NUP160: variants seen among roughly 807,000 people sequenced by gnomAD.
NUP160 encodes the protein nuclear pore complex protein Nup160.
Under a neutral mutation model 196.9 loss-of-function variants are expected in NUP160, and 94 were observed. The ratio of observed to expected loss-of-function variants is 0.48; its 90% CI spans 0.40 to 0.57. The LOEUF (loss-of-function observed/expected upper bound fraction) is 0.57, where lower values mean the gene tolerates loss of function less well. Among genes scored for constraint, NUP160 ranks in the 20% least tolerant of loss-of-function variants. NUP160 has a pLI of 0.00. For missense variants in NUP160, 1,638 were observed against 1,748.3 expected, an observed-to-expected ratio of 0.94 and a Z score of 1.13; for synonymous variants, 605 against 619.7, an observed-to-expected ratio of 0.98 and a Z score of 0.35.
intron 10 of NUP160, among the ~76,000 whole-genome samples, chr11:47,818,598 A>C (rs1851788956): frequency 6.6e-6 from 1 of 152,174 alleles, no homozygotes; most frequent in South Asian, 2.1e-4. Flanking sequence ...TAGGGAAATG[A>C]AGTAGAGAGA....
At chr11:47,836,267 G>A (rs1188829729) in intron 6 of NUP160, among the ~76,000 whole-genome samples, 1 of 152,040 alleles carries the variant, frequency 6.6e-6, no homozygotes, top group East Asian at 1.9e-4. Flanking sequence ...TAAAAAGAGG[G>A]AGGGAGGGGC....
chr11:47,779,910 T>C (rs2097659671), intron 35 of NUP160, among the ~76,000 whole-genome samples: 1 of 152,070 alleles, frequency 6.6e-6, no homozygotes, highest in East Asian at 1.9e-4. Context: ...GTATATTTAG[T>C]AGAGATGGAA....
chr11:47,813,490 T>C, intron 13 of NUP160, 75 bp from the exon 14 acceptor site: 1 of 946,810 alleles, frequency 1.1e-6, no homozygotes, highest in Non-Finnish European at 1.7e-6. Context: ...GATGTGCATC[T>C]TATCATGAGG....
In NUP160 at chr11:47,806,194, A is replaced by T. The variant is rs965602246; in HGVS notation, c.2565T>A (p.Pro855=). Reference sequence around the variant, plus strand: ...AACTGGTAATTGCAGTAATCATTTCAGGCCAATTCAATCCAGTTTGGCTCA... The same window carrying T: ...AACTGGTAATTGCAGTAATCATTTCTGGCCAATTCAATCCAGTTTGGCTCA... The change falls in exon 20 of 36, where the codon CCT becomes CCA. Residue 855 remains proline, a synonymous_variant. Coordinates refer to ENST00000378460, the Ensembl canonical transcript of NUP160. 8.1e-6 allele frequency: 13 copies of T among 1,614,056 alleles called. No individual in the cohort carries two copies. The African/African-American group carries it at 1.5e-4, about 18-fold the overall frequency.
chr11:47,798,170 G>T, exon 25 of NUP160: 1 of 1,607,670 alleles, frequency 6.2e-7, no homozygotes, highest in Non-Finnish European at 8.5e-7. Flanking sequence ...GAAATTACCT[G>T]CTGGAATCAG....
At chr11:47,805,827 G>A (rs918975603) in intron 20 of NUP160, among the ~76,000 whole-genome samples, 1 of 151,528 alleles carries the variant, frequency 6.6e-6, no homozygotes, top group African/African-American at 2.4e-5. Flanking sequence ...GAAGAGAGCT[G>A]CTTTTTTTTT....
chr11:47,831,073 G>C, intron 7 of NUP160, among the ~76,000 whole-genome samples: 1 of 152,118 alleles, frequency 6.6e-6, no homozygotes, highest in East Asian at 1.9e-4. Flanking sequence ...TGAGGCGGGA[G>C]AATCGCTTGA....
At position 47,810,119 on chromosome 11, in the gene NUP160, A is replaced by G. The variant is rs555341707; in HGVS notation, c.2242-1590T>C. On this transcript the variant is annotated intron_variant, in intron 17 of 35. Coordinates refer to ENST00000378460, the Ensembl canonical transcript of NUP160. ...CTACATAGATCAAAAAGAACTTAGTAAAGGCTAACCAACCTAACAGACTTT... is the reference window on the plus strand; with the variant it reads ...CTACATAGATCAAAAAGAACTTAGTGAAGGCTAACCAACCTAACAGACTTT... Among the ~76,000 whole-genome samples, 3 of 152,334 alleles carry G rather than the reference A, an allele frequency of 2.0e-5. No homozygotes were observed. The East Asian group carries it at 5.8e-4, about 29-fold the overall frequency.
intron 27 of NUP160, among the ~76,000 whole-genome samples, chr11:47,794,068 G>A (rs2097669476): frequency 6.6e-6 from 1 of 152,146 alleles, no homozygotes; most frequent in Non-Finnish European, 1.5e-5. Context: ...TGGTTGCCAG[G>A]GAATCGGGGT....
chr11:47,784,151 A>G (rs2097663191), intron 33 of NUP160, among the ~76,000 whole-genome samples: 1 of 152,262 alleles, frequency 6.6e-6, no homozygotes, highest in Non-Finnish European at 1.5e-5. Flanking sequence ...CTCAAACTTT[A>G]GCATGCATCA....
intron 34 of NUP160, among the ~76,000 whole-genome samples, chr11:47,781,172 G>A (rs909950502): frequency 3.3e-5 from 5 of 151,916 alleles, no homozygotes; most frequent in African/African-American, 4.8e-5. Flanking sequence ...ACAGTGAGCC[G>A]AGATCATGCC....
At chr11:47,836,173 G>A (rs1176498943) in intron 6 of NUP160, among the ~76,000 whole-genome samples, 3 of 152,122 alleles carry the variant, frequency 2.0e-5, no homozygotes, top group Non-Finnish European at 4.4e-5. Flanking sequence ...ACTTGAACCT[G>A]GGAGGCGGAG....
At chr11:47,791,157 T>TG (rs1565188684) in intron 29 of NUP160, among the ~76,000 whole-genome samples, 2 of 79,090 alleles carry the variant, frequency 2.5e-5, no homozygotes, top group Non-Finnish European at 4.1e-5. Context: ...AATTTTCTCT[T>TG]CTTTTTTTTT....
At chr11:47,780,382 T>G (rs1030016657) in exon 35 of NUP160, 28 of 1,613,750 alleles carry the variant, frequency 1.7e-5, no homozygotes, top group Non-Finnish European at 2.2e-5. Context: ...CTCCCAGAGC[T>G]TGGAGAAGCT....
rs1489595513 is a variant in NUP160, at chr11:47,840,329, C to T, written c.525+49G>A. On this transcript the variant is annotated intron_variant, in intron 3 of 35. Coordinates refer to ENST00000378460, the Ensembl canonical transcript of NUP160. ...CATCGCTCCAGCACTACATTTGTGACACCCAGAGTAATTTGGGAAATAAAA... is the reference window on the plus strand; with the variant it reads ...CATCGCTCCAGCACTACATTTGTGATACCCAGAGTAATTTGGGAAATAAAA... 3.4e-6 allele frequency: 5 copies of T among 1,477,086 alleles called. No individual in the cohort carries two copies. In the East Asian group the frequency reaches 1.1e-4, roughly 33 times the overall value. The allele number at this position is 1,477,086 out of a possible 1,614,324, so 91.5% of individuals were successfully genotyped here.
intron 34 of NUP160, among the ~76,000 whole-genome samples, chr11:47,781,640 G>A (rs964484742): frequency 1.3e-5 from 2 of 152,056 alleles, no homozygotes; most frequent in African/African-American, 4.8e-5. Flanking sequence ...CCATCTGTAT[G>A]AGCCTGTGAT....
intron 30 of NUP160, 45 bp from the exon 31 acceptor site, chr11:47,788,350 C>G: frequency 1.2e-6 from 2 of 1,610,438 alleles, no homozygotes; most frequent in Non-Finnish European, 1.7e-6. Flanking sequence ...AAGGTATACA[C>G]AAATGAAACC....
exon 21 of NUP160, chr11:47,804,569 A>G: frequency 6.5e-7 from 1 of 1,538,484 alleles, no homozygotes; most frequent in Non-Finnish European, 8.7e-7. Flanking sequence ...ACATATTGGC[A>G]ATTTCCCATC....
chr11:47,838,634 G>GT (rs1368797883), intron 4 of NUP160, among the ~76,000 whole-genome samples: 2 of 151,792 alleles, frequency 1.3e-5, no homozygotes, highest in African/African-American at 2.4e-5. Flanking sequence ...CTTGAACCTG[G>GT]GGGGGGCGGA....
Sources: allele counts gnomAD v4.1 joint callset (sites outside exome capture counted in the v4.1 genomes callset), GRCh38; gene constraint gnomAD v4.1.1; transcripts MANE v1.5; gene names NCBI Gene and HGNC (gene_info 2026-07-23, HGNC 2026-07-21).